TDRP: variants seen among roughly 807,000 people sequenced by gnomAD.
The protein encoded by TDRP is testis development related protein.
In TDRP, 12 loss-of-function variants were observed where a neutral mutation model predicts 10.5. The observed-to-expected ratio is 1.15, with a 90% CI of 0.73 to 1.86. The LOEUF (loss-of-function observed/expected upper bound fraction) is 1.86. TDRP is among the 40% of genes most tolerant of loss of function. The probability of loss-of-function intolerance (pLI) is 0.00; values close to 1 mark genes in which losing one functional copy is unlikely to be tolerated. For synonymous variants in TDRP, 139 were observed against 95.4 expected (o/e 1.46, Z -2.67); for missense variants, 353 against 229.2 (o/e 1.54, Z -3.49).
chr8:536,796 T>A (rs186137763), intron 1 of TDRP, among the ~76,000 whole-genome samples: 68 of 152,260 alleles, frequency 4.5e-4, no homozygotes, highest in South Asian at 1.0e-3. Context: ...TCCCCAAGCA[T>A]CAGTTAAGAG....
At chr8:531,008 C>T (rs1802176535) in intron 1 of TDRP, among the ~76,000 whole-genome samples, 3 of 152,126 alleles carry the variant, frequency 2.0e-5, no homozygotes, top group Non-Finnish European at 4.4e-5. Context: ...AGTTCCCAGT[C>T]AGCACTGAGT....
intron 1 of TDRP, among the ~76,000 whole-genome samples, chr8:542,320 G>A (rs542242601): frequency 3.8e-4 from 58 of 152,082 alleles, no homozygotes; most frequent in Non-Finnish European, 7.2e-4. Context: ...GTGGGCAAAC[G>A]TCAGTACACA....
chr8:494,631 T>A (rs778253278), intron 1 of TDRP, 34 bp from the exon 2 acceptor site: 51 of 1,583,612 alleles, frequency 3.2e-5, no homozygotes, highest in Non-Finnish European at 4.4e-5. Context: ...TCAAATCTGA[T>A]GTCATGAATC....
chr8:498,634 G>A (rs191601292), intron 1 of TDRP, among the ~76,000 whole-genome samples: 55 of 152,240 alleles, frequency 3.6e-4, no homozygotes, highest in African/African-American at 1.3e-3. Context: ...GATTTTGGGG[G>A]ATTGTTGGGA....
intron 1 of TDRP, among the ~76,000 whole-genome samples, chr8:512,451 C>T (rs1801645690): frequency 2.0e-5 from 3 of 151,650 alleles, no homozygotes; most frequent in South Asian, 2.1e-4. Context: ...AAAAAAAAAT[C>T]AGCAAAATTG....
At chr8:496,863 C>A (rs1395884030) in intron 1 of TDRP, among the ~76,000 whole-genome samples, 1 of 152,210 alleles carries the variant, frequency 6.6e-6, no homozygotes, top group Non-Finnish European at 1.5e-5. Flanking sequence ...GTGTGTGGCA[C>A]CTGTCTTTTC....
chr8:527,933 T>A (rs1802078240), intron 1 of TDRP, among the ~76,000 whole-genome samples: 1 of 151,962 alleles, frequency 6.6e-6, no homozygotes, highest in Non-Finnish European at 1.5e-5. Context: ...TTAGAAAGCC[T>A]CTACAGAGCA....
intron 1 of TDRP, among the ~76,000 whole-genome samples, chr8:495,304 T>TC (rs1801094850): frequency 6.6e-6 from 1 of 151,992 alleles, no homozygotes; most frequent in Non-Finnish European, 1.5e-5. Flanking sequence ...TTACAAGAGG[T>TC]CCCCTAGAAG....
intron 1 of TDRP, among the ~76,000 whole-genome samples, chr8:501,272 C>T (rs1296371957): frequency 6.6e-6 from 1 of 152,076 alleles, no homozygotes; most frequent in Non-Finnish European, 1.5e-5. Context: ...TGCCACATAA[C>T]CTGCACCTAC....
chr8:493,209 C>G (rs540351713), intron 2 of TDRP, among the ~76,000 whole-genome samples: 45 of 152,210 alleles, frequency 3.0e-4, no homozygotes, highest in Admixed American at 5.2e-4. Flanking sequence ...GAATTCAGAA[C>G]ACCATCTACT....
At chr8:496,735 A>C (rs545281744) in intron 1 of TDRP, among the ~76,000 whole-genome samples, 46 of 152,186 alleles carry the variant, frequency 3.0e-4, no homozygotes, top group Admixed American at 5.2e-4. Flanking sequence ...GTGTCCCCAC[A>C]CAAGTCTCAA....
intron 1 of TDRP, among the ~76,000 whole-genome samples, chr8:515,777 T>C (rs1009974003): frequency 1.3e-5 from 2 of 152,162 alleles, no homozygotes; most frequent in African/African-American, 4.8e-5. Context: ...TTTATCACTA[T>C]ATAATTAAAT....
At chr8:493,578 A>G (rs1267796137) in intron 2 of TDRP, among the ~76,000 whole-genome samples, 2 of 152,276 alleles carry the variant, frequency 1.3e-5, no homozygotes, top group East Asian at 1.9e-4. Flanking sequence ...AACAGCTTCC[A>G]TAACACGGAG....
intron 1 of TDRP, among the ~76,000 whole-genome samples, chr8:531,290 T>C (rs1802188898): frequency 6.6e-6 from 1 of 152,182 alleles, no homozygotes; most frequent in Admixed American, 6.5e-5. Flanking sequence ...TATATTGTTG[T>C]CAGTCAGAGT....
chr8:529,166 C>T (rs1802115374), intron 1 of TDRP, among the ~76,000 whole-genome samples: 1 of 152,110 alleles, frequency 6.6e-6, no homozygotes, highest in African/African-American at 2.4e-5. Flanking sequence ...AAATGTTAAC[C>T]TCCTTTGGCA....
chr8:516,649 T>C (rs1472751096), intron 1 of TDRP, among the ~76,000 whole-genome samples: 1 of 152,184 alleles, frequency 6.6e-6, no homozygotes, highest in African/African-American at 2.4e-5. Flanking sequence ...TCTCGTTCAC[T>C]GCTGGTGGGA....
chr8:510,616 C>T (rs918575418), intron 1 of TDRP, among the ~76,000 whole-genome samples: 7 of 152,136 alleles, frequency 4.6e-5, no homozygotes, highest in Non-Finnish European at 7.4e-5. Flanking sequence ...AAATTCTCAA[C>T]CAAAAATCCT....
At chr8:503,751 G>A (rs367930331) in intron 1 of TDRP, among the ~76,000 whole-genome samples, 18 of 148,654 alleles carry the variant, frequency 1.2e-4, no homozygotes, top group East Asian at 4.1e-4. Flanking sequence ...GCCCACCTCA[G>A]CACGCATCAA....
At chr8:536,952 A>T (rs181213877) in intron 1 of TDRP, among the ~76,000 whole-genome samples, 51 of 152,274 alleles carry the variant, frequency 3.3e-4, no homozygotes, top group African/African-American at 1.2e-3. Context: ...TATCTGACTC[A>T]GCTCATATGA....
Sources: gnomAD v4.1 joint callset for allele counts (sites outside exome capture counted in the v4.1 genomes callset) on GRCh38, gnomAD v4.1.1 for gene constraint, MANE v1.5 for transcripts, NCBI Gene and HGNC (gene_info 2026-07-23, HGNC 2026-07-21) for gene names.